YTHDC1: variants seen among roughly 807,000 people sequenced by gnomAD.
YTHDC1 encodes the protein YTH domain-containing protein 1.
In YTHDC1, 12 loss-of-function variants were observed where a neutral mutation model predicts 107.0. That is an observed-to-expected ratio of 0.11 (90% CI 0.07 to 0.18). YTHDC1 has a LOEUF of 0.18. Among genes scored for constraint, YTHDC1 ranks in the 10% least tolerant of loss-of-function variants. The pLI is 1.00. For synonymous variants in YTHDC1, 280 were observed against 289.5 expected, an observed-to-expected ratio of 0.97 and a Z score of 0.33; for missense variants, 635 against 898.8, an observed-to-expected ratio of 0.71 and a Z score of 3.75.
At position 68,330,041 on chromosome 4, in the gene YTHDC1, T is replaced by C. The variant is rs777608178; in HGVS notation, c.1310A>G (p.Lys437Arg). 1 of 1,613,824 alleles carries C rather than the reference T, an allele frequency of 6.2e-7. No individual in the cohort carries two copies. Among genetic ancestry groups the C allele is most frequent in the Non-Finnish European group, 8.5e-7 (1 of 1,179,786 alleles). ...HWVLPAGMSAKMLGGVFKIDW... is the reference protein window; with the variant it reads ...HWVLPAGMSARMLGGVFKIDW... ...AATTTTAAAGACACCTCCCAGCATT[T>C]TAGCACTCATTCCTGCTGGAAGCAC... Residue 437 changes from lysine (K) to arginine (R), a missense_variant, in exon 9 of 17, where the codon AAA (lysine) becomes AGA (arginine). Lys to Arg is a conservative substitution (Grantham distance 26). Around this residue, in one of 5 missense-constraint regions of YTHDC1, gnomAD observed 60 missense variants for 172.0 expected, o/e 0.35. Coordinates refer to ENST00000344157, the MANE Select transcript of YTHDC1 (RefSeq NM_001031732.4).
chr4:68,324,042 T>C (rs1722715502), intron 10 of YTHDC1, 97 bp downstream of exon 10: 1 of 1,073,582 alleles, frequency 9.3e-7, no homozygotes, highest in Non-Finnish European at 1.4e-6. Flanking sequence ...TCACGTGGTC[T>C]CTTTCATCAG....
intron 4 of YTHDC1, among the ~76,000 whole-genome samples, chr4:68,336,105 CTATACTATA>C (rs772129906): frequency 2.0e-5 from 3 of 149,084 alleles, no homozygotes; most frequent in Admixed American, 6.7e-5. Context: ...AAGTACTTTT[CTATACTATA>C]TATACTATAT....
chr4:68,315,610 A>G (rs1403064963), intron 16 of YTHDC1, among the ~76,000 whole-genome samples: 4 of 152,076 alleles, frequency 2.6e-5, no homozygotes, highest in Admixed American at 6.5e-5. Context: ...TTTATAAATA[A>G]AAGTACTATT....
At chr4:68,325,556 A>G (rs1192349312) in intron 9 of YTHDC1, among the ~76,000 whole-genome samples, 2 of 152,060 alleles carry the variant, frequency 1.3e-5, no homozygotes, top group African/African-American at 4.8e-5. Context: ...ACCTTTTTTT[A>G]AATTTAATTT....
chr4:68,337,948 C>T (rs920660094), intron 2 of YTHDC1, 48 bp from the exon 3 acceptor site: 7 of 1,556,482 alleles, frequency 4.5e-6, no homozygotes, highest in South Asian at 1.2e-5. Context: ...TTGTAGTATT[C>T]CATTTATTTC....
intron 1 of YTHDC1, among the ~76,000 whole-genome samples, 187 bp from the exon 2 acceptor site, chr4:68,338,571 C>G (rs1724484061): frequency 6.6e-6 from 1 of 152,202 alleles, no homozygotes; most frequent in South Asian, 2.1e-4. Context: ...AAAGAATTGG[C>G]CAGTCGTGGT....
At position 68,318,849 on chromosome 4, in the gene YTHDC1, A is replaced by T. The variant is rs1182430235; in HGVS notation, c.1698T>A (p.Asp566Glu). The part of the protein sequence containing the change: ...EFHQRPGYLK[D>E]PRYQEVDRRF... ...ACCTGTCCACTTCCTGGTATCGTGG[A>T]TCCTTTAAATACCCTGTTCAAACAT... The change falls in exon 13 of 17, where the codon GAT becomes GAA. Residue 566 changes from aspartate (D) to glutamate (E), a missense_variant. Physicochemically the swap from Asp to Glu is conservative, Grantham distance 45 (BLOSUM62 2). Around this residue, in one of 5 missense-constraint regions of YTHDC1, gnomAD observed 256 missense variants for 372.9 expected, o/e 0.69. Transcript: ENST00000344157. 1 of 1,614,146 alleles carries T rather than the reference A, an allele frequency of 6.2e-7. No homozygotes were observed. Among genetic ancestry groups the T allele is most frequent in the Non-Finnish European group, 8.5e-7 (1 of 1,179,998 alleles).
chr4:68,330,822 C>T (rs1723499752), intron 7 of YTHDC1, among the ~76,000 whole-genome samples: 1 of 152,012 alleles, frequency 6.6e-6, no homozygotes, highest in Non-Finnish European at 1.5e-5. Flanking sequence ...CTGAAGAGGC[C>T]TACGTTTTAC....
chr4:68,337,463 G>GA lies in YTHDC1; in HGVS notation c.460-14dup, dbSNP rs750236116. 6.2e-7 allele frequency: 1 copy of GA among 1,608,672 alleles called. No homozygotes were observed. The highest frequency in any genetic ancestry group is 8.5e-7 in the Non-Finnish European group (1 of 1,177,566). On this transcript the variant is annotated splice_polypyrimidine_tract_variant and intron_variant, in intron 3 of 16. Coordinates refer to ENST00000344157, the MANE Select transcript of YTHDC1 (RefSeq NM_001031732.4). ...CAAGCCCAATTCTCTGATGTTTAAAGAAAAAGGGAATCAGCAGTCATATAA... is the reference window on the plus strand; with the variant it reads ...CAAGCCCAATTCTCTGATGTTTAAAGAAAAAAGGGAATCAGCAGTCATATAA...
chr4:68,323,130 G>A (rs1015694745), intron 10 of YTHDC1, among the ~76,000 whole-genome samples: 3 of 151,906 alleles, frequency 2.0e-5, no homozygotes, highest in Non-Finnish European at 4.4e-5. Context: ...TAGAATCTCT[G>A]AAGTTAAATA....
chr4:68,323,012 T>G (rs1357249318), intron 10 of YTHDC1, 97 bp from the exon 11 acceptor site: 2 of 1,246,308 alleles, frequency 1.6e-6, no homozygotes, highest in Non-Finnish European at 2.2e-6. Flanking sequence ...ACTTGGAAGC[T>G]TTCTTCCCAA....
rs1721251635 is a variant in YTHDC1 at position 68,310,844 on chromosome 4, C to G, written c.*3255G>C. The G allele has an allele frequency of 6.6e-6, 1 of 152,136 alleles. No individual in the cohort carries two copies. Among genetic ancestry groups the G allele is most frequent in the Non-Finnish European group, 1.5e-5 (1 of 68,022 alleles). The allele number at this position is 152,136 out of a possible 1,614,324, so 9.4% of individuals were successfully genotyped here. ...GGACTCTTAATGGTTAACATTATGA[C>G]AAGACAGGATGTATGTGACCCTCAG... On this transcript the variant is annotated 3_prime_UTR_variant, in exon 17 of 17. Coordinates refer to ENST00000344157, the MANE Select transcript of YTHDC1 (RefSeq NM_001031732.4).
chr4:68,346,558 A>G (rs1046910609), intron 1 of YTHDC1, among the ~76,000 whole-genome samples: 2 of 152,220 alleles, frequency 1.3e-5, no homozygotes, highest in Admixed American at 6.5e-5. Flanking sequence ...TGATGAAATT[A>G]CGCACTGTCC....
intron 9 of YTHDC1, 108 bp from the exon 10 acceptor site, chr4:68,324,331 A>G (rs549049457): frequency 1.0e-6 from 1 of 977,570 alleles, no homozygotes; most frequent in African/African-American, 1.6e-5. Context: ...ATGTGACTAA[A>G]TTTTAAAAAC....
At position 68,333,690 on chromosome 4, in the gene YTHDC1, G is replaced by C. The variant is rs149194019; in HGVS notation, c.884-293C>G. Among the ~76,000 whole-genome samples, 61 of 138,564 alleles carry C rather than the reference G, an allele frequency of 4.4e-4. No individual in the cohort carries two copies. The East Asian group carries it at 0.01, about 23-fold the overall frequency. The allele number at this position is 138,564 out of a possible 152,430, so 90.9% of individuals were successfully genotyped here. ...TGGCCTTGAATACAGTTTTCCAAGC[G>C]GGGGGGGAAATTTGCAAAGCAAAAA... On this transcript the variant is annotated intron_variant, in intron 4 of 16. Transcript: ENST00000344157.
Position 68,337,918 on chromosome 4 carries a change from A to T in YTHDC1, c.131-18T>A, listed in dbSNP as rs1229643700. ...TTTTGATCCTTTAAAATACAATGTA[A>T]AAAAAAAAAAAAGAAGTATTTGTAG... On this transcript the variant is annotated intron_variant, in intron 2 of 16. Coordinates refer to ENST00000344157, the MANE Select transcript of YTHDC1 (RefSeq NM_001031732.4). The T allele has an allele frequency of 2.0e-6, 2 of 991,764 alleles. No homozygotes were observed. The highest frequency in any genetic ancestry group is 2.7e-6 in the Non-Finnish European group (2 of 728,590). 61.4% of individuals were successfully genotyped at this position (991,764 alleles called of 1,614,324 possible). A position where few individuals can be genotyped will look rare whatever the true frequency, so the allele number is the denominator to read the frequency against.
At chr4:68,344,060 C>T (rs1162349375) in intron 1 of YTHDC1, 2 of 151,956 alleles carry the variant, frequency 1.3e-5, no homozygotes, top group East Asian at 3.8e-4. Context: ...TGAAAACAAC[C>T]AGCTGGAAGA....
At chr4:68,324,732 A>G (rs183667481) in intron 9 of YTHDC1, among the ~76,000 whole-genome samples, 5 of 152,216 alleles carry the variant, frequency 3.3e-5, no homozygotes, top group African/African-American at 4.8e-5. Flanking sequence ...TCCTCATTCA[A>G]TATGGCAATA....
At chr4:68,333,437 G>A in intron 4 of YTHDC1, 40 bp from the exon 5 acceptor site, 2 of 1,403,438 alleles carry the variant, frequency 1.4e-6, no homozygotes, top group Non-Finnish European at 2.0e-6. Flanking sequence ...TCACAATACA[G>A]AAACGAAGAG....
Sources: gnomAD v4.1 joint callset for allele counts (sites outside exome capture counted in the v4.1 genomes callset) on GRCh38, gnomAD v4.1.1 for gene constraint, gnomAD v4.1.1 regional missense constraint, MANE v1.5 for transcripts, NCBI Gene and HGNC (gene_info 2026-07-23, HGNC 2026-07-21) for gene names.